The following LY86 variants were observed in gnomAD, a reference collection of about 807,000 sequenced individuals.
LY86 encodes MD-1, RP105-associated.
A neutral mutation model predicts 17.3 loss-of-function variants in LY86; 20 were observed. The ratio of observed to expected loss-of-function variants is 1.15; its 90% CI spans 0.81 to 1.68. The LOEUF is 1.68. Among genes scored for constraint, LY86 ranks in the 40% most tolerant of loss-of-function variants. The probability of loss-of-function intolerance (pLI) is 0.00; values close to 1 mark genes in which losing one functional copy is unlikely to be tolerated. For missense variants in LY86, 200 were observed against 191.9 expected (o/e 1.04, Z -0.25); for synonymous variants, 74 against 70.6 (o/e 1.05, Z -0.24).
Position 6,649,718 on chromosome 6 carries a change from T to C in LY86, c.405+41T>C, listed in dbSNP as rs563549639. ...CTTCTTGTATTAAATAGTTTGTTTCTTGAAGAAGAAGAAGAAGGCTAGAAG... is the reference window on the plus strand; with the variant it reads ...CTTCTTGTATTAAATAGTTTGTTTCCTGAAGAAGAAGAAGAAGGCTAGAAG... On this transcript the variant is annotated intron_variant, in intron 4 of 4. Transcript: ENST00000230568. 3.4e-4 allele frequency: 408 copies of C among 1,185,284 alleles called. 5 individuals are homozygous for C. The highest frequency in any genetic ancestry group is 3.0e-3 in the South Asian group (234 of 78,318). The allele number at this position is 1,185,284 out of a possible 1,614,324, so 73.4% of individuals were successfully genotyped here.
intron 3 of LY86, among the ~76,000 whole-genome samples, chr6:6,646,972 A>G (rs1762116110): frequency 1.4e-5 from 2 of 142,182 alleles, no homozygotes; most frequent in African/African-American, 2.6e-5. Flanking sequence ...TCTCAAGTAG[A>G]TTTCTTCCCC....
chr6:6,598,593 A>G (rs1760791722), intron 1 of LY86, among the ~76,000 whole-genome samples: 3 of 152,300 alleles, frequency 2.0e-5, no homozygotes, highest in African/African-American at 7.2e-5. Context: ...GCTTAAGACA[A>G]TTTATGCCTC....
chr6:6,605,859 C>A (rs115133103), intron 1 of LY86, among the ~76,000 whole-genome samples: 2,934 of 151,638 alleles, frequency 0.019, 70 homozygotes, highest in East Asian at 0.061. Context: ...CTTAAGGGGG[C>A]ATCTGGAGCT....
intron 3 of LY86, among the ~76,000 whole-genome samples, chr6:6,632,899 A>G (rs1341288753): frequency 6.6e-6 from 1 of 152,206 alleles, no homozygotes; most frequent in Non-Finnish European, 1.5e-5. Flanking sequence ...TGGGTTTGTC[A>G]GCACTCACCA....
intron 3 of LY86, 112 bp downstream of exon 3, chr6:6,626,533 T>C: frequency 8.3e-7 from 1 of 1,205,462 alleles, no homozygotes; most frequent in Non-Finnish European, 1.2e-6. Flanking sequence ...CCCTCGCCTT[T>C]GGACGAGCTT....
chr6:6,593,657 GC>G (rs1760601665), intron 1 of LY86, among the ~76,000 whole-genome samples: 1 of 152,184 alleles, frequency 6.6e-6, no homozygotes, highest in African/African-American at 2.4e-5. Flanking sequence ...CTTCCTTGAA[GC>G]CAAATCAAAC....
chr6:6,640,326 G>A (rs1762019650), intron 3 of LY86, among the ~76,000 whole-genome samples: 2 of 151,996 alleles, frequency 1.3e-5, no homozygotes, highest in Non-Finnish European at 2.9e-5. Flanking sequence ...GGGAGGCCGA[G>A]GGGCACAGAT....
chr6:6,607,784 C>T (rs1280940177), intron 1 of LY86, among the ~76,000 whole-genome samples: 1 of 152,008 alleles, frequency 6.6e-6, no homozygotes, highest in African/African-American at 2.4e-5. Context: ...CCTGTAATCC[C>T]AGCTACTCGG....
chr6:6,648,228 C>A (rs778716697), intron 3 of LY86, among the ~76,000 whole-genome samples: 5 of 152,260 alleles, frequency 3.3e-5, no homozygotes, highest in Non-Finnish European at 7.4e-5. Context: ...TCACACTTGG[C>A]CTCTCCTCTG....
chr6:6,590,807 G>GTTT (rs1760503014), intron 1 of LY86, among the ~76,000 whole-genome samples: 2 of 152,166 alleles, frequency 1.3e-5, no homozygotes, highest in South Asian at 4.1e-4. Context: ...GCTTGAGCAA[G>GTTT]TACCTGATCC....
chr6:6,626,585 G>T lies in LY86; in HGVS notation c.352+164G>T, dbSNP rs74786880. Among the ~76,000 whole-genome samples, 523 of 152,276 alleles carry T rather than the reference G, an allele frequency of 3.4e-3. 2 individuals are homozygous for T. Among genetic ancestry groups the T allele is most frequent in the African/African-American group, 0.011 (455 of 41,556 alleles). ...ATGTGTTGCAGAAAAATAACAATAA[G>T]GCCCATTCCATAGGCCTACCTTACA... On this transcript the variant is annotated intron_variant, in intron 3 of 4. Transcript: ENST00000230568.
At chr6:6,591,711 CA>C (rs1760535626) in intron 1 of LY86, among the ~76,000 whole-genome samples, 1 of 152,182 alleles carries the variant, frequency 6.6e-6, no homozygotes, top group Non-Finnish European at 1.5e-5. Context: ...GAAGGTAAGA[CA>C]TTGAGGAACT....
chr6:6,607,029 G>C (rs1761185837), intron 1 of LY86, among the ~76,000 whole-genome samples: 1 of 152,294 alleles, frequency 6.6e-6, no homozygotes, highest in Admixed American at 6.5e-5. Flanking sequence ...CTCCAGAGGA[G>C]GGGATTGCAC....
chr6:6,611,070 G>A (rs931628171), intron 1 of LY86, among the ~76,000 whole-genome samples: 5 of 152,156 alleles, frequency 3.3e-5, no homozygotes, highest in Non-Finnish European at 4.4e-5. Flanking sequence ...AGATCTGGCC[G>A]TGTCTGAGCA....
At position 6,637,025 on chromosome 6, in the gene LY86, T is replaced by A. The variant is rs1238021800; in HGVS notation, c.352+10604T>A. On this transcript the variant is annotated intron_variant, in intron 3 of 4. Coordinates refer to ENST00000230568, the MANE Select transcript of LY86 (RefSeq NM_004271.4). ...ATTGGTTTTTTTTTTTTTTTTTTTT[T>A]AATGAGAAGGAGTCTCGCTCTGTCG... Among the ~76,000 whole-genome samples, 3 of 149,498 alleles carry A rather than the reference T, an allele frequency of 2.0e-5. No homozygotes were observed. In the South Asian group the frequency reaches 6.4e-4, roughly 32 times the overall value.
At chr6:6,649,508 G>A in intron 3 of LY86, 117 bp from the exon 4 acceptor site, 1 of 639,844 alleles carries the variant, frequency 1.6e-6, no homozygotes, top group African/African-American at 1.9e-5. Context: ...TCTAGCAATA[G>A]CTGCTCTTAT....
chr6:6,611,989 C>CTGAGTACTGCACACTA (rs1761355662), intron 1 of LY86, among the ~76,000 whole-genome samples: 1 of 72,110 alleles, frequency 1.4e-5, no homozygotes, highest in African/African-American at 7.4e-5. Flanking sequence ...ACCCCCTTAA[C>CTGAGTACTGCACACTA]TGAGTACTGA....
intron 1 of LY86, among the ~76,000 whole-genome samples, chr6:6,608,865 C>A (rs1761263966): frequency 6.6e-6 from 1 of 152,228 alleles, no homozygotes; most frequent in South Asian, 2.1e-4. Context: ...GTGAACTCTT[C>A]TCCTTTATTC....
intron 3 of LY86, among the ~76,000 whole-genome samples, chr6:6,631,727 G>T (rs1353105261): frequency 1.3e-5 from 2 of 152,134 alleles, no homozygotes; most frequent in Non-Finnish European, 2.9e-5. Flanking sequence ...AACATTTTAG[G>T]TTTTGCAGAC....
Sources: gnomAD v4.1 joint callset for allele counts (sites outside exome capture counted in the v4.1 genomes callset) on GRCh38, gnomAD v4.1.1 for gene constraint, MANE v1.5 for transcripts, NCBI Gene and HGNC (gene_info 2026-07-23, HGNC 2026-07-21) for gene names.